The following IQANK1 variants were observed in gnomAD, a reference collection of about 807,000 sequenced individuals.
The protein encoded by IQANK1 is IQ motif and ankyrin repeat domain-containing protein 1.
Under a neutral mutation model 22.6 loss-of-function variants are expected in IQANK1, and 30 were observed. That is an observed-to-expected ratio of 1.33 (90% confidence interval 0.99 to 1.80). The LOEUF (loss-of-function observed/expected upper bound fraction) is 1.80. Ranked by LOEUF, IQANK1 falls within the 40% of genes most tolerant of loss-of-function variation. The pLI, the probability that IQANK1 is intolerant of heterozygous loss-of-function variation, is 0.00. For synonymous variants in IQANK1, 122 were observed against 99.6 expected (o/e 1.23, Z -1.34); for missense variants, 275 against 235.2 (o/e 1.17, Z -1.11).
Position 143,772,046 on chromosome 8 carries a change from GC to G in IQANK1, c.472-5del. 1 of 396,260 alleles carries G rather than the reference GC, an allele frequency of 2.5e-6. No homozygotes were observed. The allele number at this position is 396,260 out of a possible 1,614,324, so 24.5% of individuals were successfully genotyped here. A position where few individuals can be genotyped will look rare whatever the true frequency, so the allele number is the denominator to read the frequency against. On this transcript the variant is annotated splice_polypyrimidine_tract_variant and splice_region_variant and intron_variant, in intron 5 of 13. Coordinates refer to ENST00000527139, the MANE Select transcript of IQANK1 (RefSeq NM_001381874.1). ...CGGGGAGCGGTGACCGCGGCGAGCTGCGCAGGTGGAGCAGCTGCTGACGCGC... is the reference window on the plus strand; with the variant it reads ...CGGGGAGCGGTGACCGCGGCGAGCTGGCAGGTGGAGCAGCTGCTGACGCGC...
intron 3 of IQANK1, among the ~76,000 whole-genome samples, chr8:143,765,820 A>G (rs1490632050): frequency 2.0e-5 from 3 of 152,176 alleles, no homozygotes; most frequent in African/African-American, 7.2e-5. Context: ...GGTGTCTGTT[A>G]TGTGCATATA....
At chr8:143,748,830 T>TTCATATATAAATACATAAATATATATA in intron 3 of IQANK1, among the ~76,000 whole-genome samples, 1 of 84,014 alleles carries the variant, frequency 1.2e-5, no homozygotes, top group South Asian at 5.0e-4. Context: ...AAATATATAT[T>TTCATATATAAATACATAAATATATATA]TCATATATAA....
chr8:143,787,143 T>C (rs540984286), intron 7 of IQANK1, among the ~76,000 whole-genome samples: 1 of 150,576 alleles, frequency 6.6e-6, no homozygotes, highest in Admixed American at 6.7e-5. Flanking sequence ...CTGGCAGACG[T>C]GGGTTCAGTT....
intron 3 of IQANK1, among the ~76,000 whole-genome samples, chr8:143,741,269 G>A (rs189445840): frequency 4.3e-4 from 66 of 152,344 alleles, no homozygotes; most frequent in African/African-American, 1.5e-3. Flanking sequence ...GCCGCTCTGC[G>A]GGGTGTGGGG....
At chr8:143,782,332 A>G (rs1217597462) in intron 7 of IQANK1, among the ~76,000 whole-genome samples, 2 of 152,094 alleles carry the variant, frequency 1.3e-5, no homozygotes, top group African/African-American at 4.8e-5. Context: ...TCTGGCTAGG[A>G]CTTCCAATAC....
intron 7 of IQANK1, among the ~76,000 whole-genome samples, chr8:143,780,714 T>C (rs1292712356): frequency 6.6e-6 from 1 of 152,226 alleles, no homozygotes; most frequent in Non-Finnish European, 1.5e-5. Context: ...ATTTTCTTTA[T>C]CTTGTCTGTC....
chr8:143,756,046 C>T (rs1819286651), intron 3 of IQANK1, among the ~76,000 whole-genome samples: 1 of 152,206 alleles, frequency 6.6e-6, no homozygotes, highest in Admixed American at 6.5e-5. Flanking sequence ...CCTCTTGGTA[C>T]ATCTCCCCAA....
intron 3 of IQANK1, among the ~76,000 whole-genome samples, chr8:143,740,272 C>G (rs568969083): frequency 3.2e-4 from 49 of 152,092 alleles, no homozygotes; most frequent in Non-Finnish European, 6.2e-4. Flanking sequence ...CGCCTCCATC[C>G]CGGGTCCGCC....
intron 7 of IQANK1, among the ~76,000 whole-genome samples, chr8:143,787,762 C>G (rs1426932942): frequency 1.3e-5 from 2 of 152,194 alleles, no homozygotes; most frequent in East Asian, 3.9e-4. Flanking sequence ...CCTCCTTCCC[C>G]TCATCCTGTC....
chr8:143,749,618 C>T (rs574666206), intron 3 of IQANK1, among the ~76,000 whole-genome samples: 174 of 132,000 alleles, frequency 1.3e-3, no homozygotes, highest in African/African-American at 4.2e-3. Flanking sequence ...TTTTTTGAGA[C>T]GGAATCTCAC....
rs1367780371 is a variant in IQANK1, at chr8:143,788,934, T to TG, written c.811dup (p.Val271GlyfsTer22). The TG allele has an allele frequency of 2.5e-6, 1 of 398,958 alleles. No homozygotes were observed. The highest frequency in any genetic ancestry group is 4.4e-6 in the Non-Finnish European group (1 of 226,144). The allele number at this position is 398,958 out of a possible 1,614,324, so 24.7% of individuals were successfully genotyped here. ...CACTAGGTGGCCTCACTGGACACAG[T>TG]GGTGAGCGTGCTGCGCTCGTGGGAC... On this transcript the variant is annotated frameshift_variant, in exon 8 of 14. Coordinates refer to ENST00000527139, the MANE Select transcript of IQANK1 (RefSeq NM_001381874.1). LOFTEE classifies it high-confidence loss of function.
chr8:143,761,378 T>C (rs1445545754), intron 3 of IQANK1, among the ~76,000 whole-genome samples: 1 of 152,242 alleles, frequency 6.6e-6, no homozygotes, highest in African/African-American at 2.4e-5. Flanking sequence ...CCCCGTCTGC[T>C]CCACTGCTTC....
chr8:143,790,069 G>A lies in IQANK1; in HGVS notation c.1289+5G>A, dbSNP rs561179251. The stretch of plus-strand genomic sequence containing the variant: ...CCGCATCCGTGCCGATGGCCGGTCA[G>A]TTCTCCGGGCCAGACGTGGGCGATT... On this transcript the variant is annotated splice_donor_5th_base_variant and intron_variant, in intron 12 of 13. Coordinates refer to ENST00000527139, the MANE Select transcript of IQANK1 (RefSeq NM_001381874.1). 64 of 1,232,152 alleles carry A rather than the reference G, an allele frequency of 5.2e-5. 1 individual carries two copies. In the South Asian group the frequency reaches 2.3e-3, roughly 44 times the overall value. 76.3% of individuals were successfully genotyped at this position (1,232,152 alleles called of 1,614,324 possible).
At chr8:143,748,213 T>C (rs532668050) in intron 3 of IQANK1, among the ~76,000 whole-genome samples, 1 of 151,510 alleles carries the variant, frequency 6.6e-6, no homozygotes, top group Admixed American at 6.6e-5. Flanking sequence ...CAGAGTGGTC[T>C]TGAACTCCTA....
Position 143,748,557 on chromosome 8 carries a change from T to TG in IQANK1, c.175+8609_175+8610insG, listed in dbSNP as rs1280659005. On this transcript the variant is annotated intron_variant, in intron 3 of 13. Coordinates refer to ENST00000527139, the MANE Select transcript of IQANK1 (RefSeq NM_001381874.1). ...ATGATATATAATATATAAATATAGA[T>TG]ATATATATCATATATAATATATAAA... Among the ~76,000 whole-genome samples the TG allele has an allele frequency of 2.1e-4, 26 of 122,220 alleles. 4 individuals carry two copies. The highest frequency in any genetic ancestry group is 3.6e-4 in the Admixed American group (4 of 11,124). 80.2% of individuals were successfully genotyped at this position (122,220 alleles called of 152,430 possible).
intron 7 of IQANK1, among the ~76,000 whole-genome samples, chr8:143,786,531 C>G (rs912576710): frequency 6.6e-6 from 1 of 152,240 alleles, no homozygotes. Flanking sequence ...ACCCATTTAT[C>G]TGTCCAAACA....
At chr8:143,776,909 A>C (rs1819696768) in intron 7 of IQANK1, among the ~76,000 whole-genome samples, 1 of 152,086 alleles carries the variant, frequency 6.6e-6, no homozygotes, top group Admixed American at 6.5e-5. Context: ...TATTGGGTGG[A>C]GTTCTCAGAA....
intron 3 of IQANK1, among the ~76,000 whole-genome samples, chr8:143,747,238 A>C (rs974488815): frequency 2.0e-5 from 3 of 152,184 alleles, no homozygotes; most frequent in Non-Finnish European, 4.4e-5. Flanking sequence ...CTGGTCTTGT[A>C]AATTTTAACC....
Position 143,771,063 on chromosome 8 carries a change from G to T in IQANK1, c.176-425G>T, listed in dbSNP as rs782617454. Among the ~76,000 whole-genome samples, 3 of 152,232 alleles carry T rather than the reference G, an allele frequency of 2.0e-5. No homozygotes were observed. The highest frequency in any genetic ancestry group is 4.8e-5 in the African/African-American group (2 of 41,470). ...CGCGCCCTCTTCTGAGTCCAGCGGGGCTGTGATGAGCCCTCCCAGGCCTGG... is the reference window on the plus strand; with the variant it reads ...CGCGCCCTCTTCTGAGTCCAGCGGGTCTGTGATGAGCCCTCCCAGGCCTGG... On this transcript the variant is annotated intron_variant, in intron 3 of 13. Coordinates refer to ENST00000527139, the MANE Select transcript of IQANK1 (RefSeq NM_001381874.1). The surrounding 1 kb of genome is among the most constrained non-coding windows in gnomAD (Gnocchi z 6.0).
Sources: gnomAD v4.1 joint callset for allele counts (sites outside exome capture counted in the v4.1 genomes callset) on GRCh38, gnomAD v4.1.1 for gene constraint, Gnocchi (gnomAD v3.1) non-coding constraint, MANE v1.5 for transcripts, NCBI Gene and HGNC (gene_info 2026-07-23, HGNC 2026-07-21) for gene names.